The following YPEL1 variants were observed in gnomAD, a reference collection of about 807,000 sequenced individuals.
The protein encoded by YPEL1 is yippee like 1.
Under a neutral mutation model 17.3 loss-of-function variants are expected in YPEL1, and 7 were observed. The ratio of observed to expected loss-of-function variants is 0.40; its 90% CI spans 0.23 to 0.76. The LOEUF is 0.76. YPEL1 is among the 30% of genes least tolerant of loss of function. YPEL1 has a pLI of 0.35. For missense variants in YPEL1, 91 were observed against 155.5 expected, an observed-to-expected ratio of 0.59 and a Z score of 2.21; for synonymous variants, 59 against 59.6, an observed-to-expected ratio of 0.99 and a Z score of 0.05.
Position 21,698,957 on chromosome 22 carries a change from T to C in YPEL1, c.*2172A>G, listed in dbSNP as rs1601620051. The C allele has an allele frequency of 6.6e-6, 1 of 152,532 alleles. No homozygotes were observed. The highest frequency in any genetic ancestry group is 2.1e-4 in the South Asian group (1 of 4,834). The allele number at this position is 152,532 out of a possible 1,614,324, so 9.4% of individuals were successfully genotyped here. Reference sequence around the variant, plus strand: ...ACAAAGATTTCCTTCCTTTCCTAAGTGGAAGATGTGCTTTAAAGGAACTTC... The same window carrying C: ...ACAAAGATTTCCTTCCTTTCCTAAGCGGAAGATGTGCTTTAAAGGAACTTC... On this transcript the variant is annotated 3_prime_UTR_variant, in exon 5 of 5. Coordinates refer to ENST00000339468, the MANE Select transcript of YPEL1 (RefSeq NM_013313.5).
rs1206261013 is a variant in YPEL1 at position 21,698,902 on chromosome 22, A to G, written c.*2227T>C. The G allele has an allele frequency of 2.0e-5, 3 of 152,474 alleles. No individual in the cohort carries two copies. Among genetic ancestry groups the G allele is most frequent in the Non-Finnish European group, 2.9e-5 (2 of 68,110 alleles). The allele number at this position is 152,474 out of a possible 1,614,324, so 9.4% of individuals were successfully genotyped here. A position where few individuals can be genotyped will look rare whatever the true frequency, so the allele number is the denominator to read the frequency against. ...CAGGGATAAAGCAGCTTGCAGGGCC[A>G]TAGCCGGATGTGGAGGCTTCCAAGA... On this transcript the variant is annotated 3_prime_UTR_variant, in exon 5 of 5. Coordinates refer to ENST00000339468, the MANE Select transcript of YPEL1 (RefSeq NM_013313.5).
At position 21,698,143 on chromosome 22, in the gene YPEL1, G is replaced by A. The variant is rs2068009841; in HGVS notation, c.*2986C>T. ...TTAAGAGGGTGGTGGATATGGTCCT[G>A]TGAATAGCACTTCCCCTGAAGCCAG... is the stretch of plus-strand genomic sequence containing the variant. On this transcript the variant is annotated 3_prime_UTR_variant, in exon 5 of 5. Coordinates refer to ENST00000339468, the MANE Select transcript of YPEL1 (RefSeq NM_013313.5). 1 of 151,748 alleles carries A rather than the reference G, an allele frequency of 6.6e-6. No homozygotes were observed. The highest frequency in any genetic ancestry group is 1.5e-5 in the Non-Finnish European group (1 of 68,010). 9.4% of individuals were successfully genotyped at this position (151,748 alleles called of 1,614,324 possible). A position where few individuals can be genotyped will look rare whatever the true frequency, so the allele number is the denominator to read the frequency against.
rs562131721 is a variant in YPEL1, at chr22:21,703,758, C to G, written c.161+81G>C. 1.2e-5 allele frequency: 18 copies of G among 1,478,282 alleles called. No individual in the cohort carries two copies. The East Asian group carries it at 2.2e-4, about 18-fold the overall frequency. 91.6% of individuals were successfully genotyped at this position (1,478,282 alleles called of 1,614,324 possible). On this transcript the variant is annotated intron_variant, in intron 3 of 4. Coordinates refer to ENST00000339468, the MANE Select transcript of YPEL1 (RefSeq NM_013313.5). The surrounding 1 kb of genome is among the most constrained non-coding windows in gnomAD (Gnocchi z 6.1). ...AGGACCCCTAAAGACCCAGGTGATT[C>G]TACACAGGGCACTGTGTAGGTGCCA... is the stretch of plus-strand genomic sequence containing the variant.
chr22:21,717,205 G>C (rs182877567), intron 1 of YPEL1, among the ~76,000 whole-genome samples: 1 of 151,890 alleles, frequency 6.6e-6, no homozygotes, highest in Non-Finnish European at 1.5e-5. Flanking sequence ...GTGAAACCCC[G>C]TCTCTACTAA....
At position 21,698,491 on chromosome 22, in the gene YPEL1, G is replaced by GAA. The variant is rs2068023289; in HGVS notation, c.*2637_*2638insTT. 2 of 152,358 alleles carry GAA rather than the reference G, an allele frequency of 1.3e-5. No homozygotes were observed. The highest frequency in any genetic ancestry group is 2.9e-5 in the Non-Finnish European group (2 of 68,046). The allele number at this position is 152,358 out of a possible 1,614,324, so 9.4% of individuals were successfully genotyped here. ...ATCTTGAGTCACTCAGGACTTGGCTGTCCTCGCACCCGTGGCAGGCTGGGG... is the reference window on the plus strand; with the variant it reads ...ATCTTGAGTCACTCAGGACTTGGCTGAATCCTCGCACCCGTGGCAGGCTGGGG... On this transcript the variant is annotated 3_prime_UTR_variant, in exon 5 of 5. Coordinates refer to ENST00000339468, the MANE Select transcript of YPEL1 (RefSeq NM_013313.5).
chr22:21,710,628 CT>C lies in YPEL1; in HGVS notation c.116del (p.Lys39SerfsTer17). On this transcript the variant is annotated frameshift_variant and splice_region_variant, in exon 2 of 5. Coordinates refer to ENST00000339468, the MANE Select transcript of YPEL1 (RefSeq NM_013313.5). LOFTEE classifies it high-confidence loss of function. ...HLANHDELIS[K>X]SFQGSQGRAY... Reference sequence around the variant, plus strand: ...CAATTTTTTGGCATAAGCCACTTGCCTTGGAGATGAGCTCGTCATGATTGGC... The same window carrying C: ...CAATTTTTTGGCATAAGCCACTTGCCTGGAGATGAGCTCGTCATGATTGGC... The C allele has an allele frequency of 6.2e-7, 1 of 1,614,114 alleles. No individual in the cohort carries two copies. The highest frequency in any genetic ancestry group is 8.5e-7 in the Non-Finnish European group (1 of 1,179,904).
chr22:21,699,618 A>G lies in YPEL1; in HGVS notation c.*1511T>C, dbSNP rs529673306. The G allele has an allele frequency of 2.6e-5, 4 of 152,826 alleles. No homozygotes were observed. The highest frequency in any genetic ancestry group is 7.2e-5 in the African/African-American group (3 of 41,592). 9.5% of individuals were successfully genotyped at this position (152,826 alleles called of 1,614,324 possible). On this transcript the variant is annotated 3_prime_UTR_variant, in exon 5 of 5. Transcript: ENST00000339468. ...CGCGTCTAGCAGGCCAGGCGTCTTC[A>G]TGCACAAAGGCTAAACTTGTTGCTT...
At chr22:21,724,429 C>G (rs2068312677) in intron 1 of YPEL1, among the ~76,000 whole-genome samples, 2 of 151,966 alleles carry the variant, frequency 1.3e-5, no homozygotes, top group South Asian at 4.2e-4. Flanking sequence ...CCCAGCTACT[C>G]AGGAGGCTGA....
chr22:21,717,094 G>A (rs1028572097), intron 1 of YPEL1, among the ~76,000 whole-genome samples: 28 of 151,168 alleles, frequency 1.9e-4, no homozygotes, highest in Admixed American at 7.9e-4. Context: ...GGCCGGGCGC[G>A]CTGGCTCACG....
chr22:21,714,942 G>A (rs141053257), intron 1 of YPEL1, among the ~76,000 whole-genome samples: 148 of 152,302 alleles, frequency 9.7e-4, no homozygotes, highest in African/African-American at 3.4e-3. Context: ...GTAGGAGTAA[G>A]TGATATATTC....
At chr22:21,723,483 T>C (rs2068303698) in intron 1 of YPEL1, among the ~76,000 whole-genome samples, 1 of 152,188 alleles carries the variant, frequency 6.6e-6, no homozygotes, top group Non-Finnish European at 1.5e-5. Flanking sequence ...TTCTCCTGCC[T>C]CAGCCTCCAG....
intron 1 of YPEL1, among the ~76,000 whole-genome samples, chr22:21,714,021 C>T (rs1435645374): frequency 6.6e-6 from 1 of 152,168 alleles, no homozygotes; most frequent in African/African-American, 2.4e-5. Flanking sequence ...CTCACACCTG[C>T]TCCTCCTGAG....
chr22:21,703,050 G>A lies in YPEL1; in HGVS notation c.270+320C>T, dbSNP rs984933500. Among the ~76,000 whole-genome samples the A allele has an allele frequency of 1.3e-5, 2 of 152,206 alleles. No individual in the cohort carries two copies. The highest frequency in any genetic ancestry group is 2.9e-5 in the Non-Finnish European group (2 of 68,030). ...TCCCGCAGCCCCCTGCAGCCTCCTC[G>A]GCCTCCTCCCACACCAGGCTCTGCT... is the stretch of plus-strand genomic sequence containing the variant. On this transcript the variant is annotated intron_variant, in intron 4 of 4. Coordinates refer to ENST00000339468, the MANE Select transcript of YPEL1 (RefSeq NM_013313.5). The surrounding 1 kb of genome is among the most constrained non-coding windows in gnomAD (Gnocchi z 6.1).
In YPEL1 at chr22:21,703,300, G is replaced by T; in HGVS notation, c.270+70C>A. On this transcript the variant is annotated intron_variant, in intron 4 of 4. Coordinates refer to ENST00000339468, the MANE Select transcript of YPEL1 (RefSeq NM_013313.5). The surrounding 1 kb of genome is among the most constrained non-coding windows in gnomAD (Gnocchi z 6.1). ...TGGTACCATGGGCCACACTGCACGG[G>T]GAGGTGTGGCTCAGTGGCAACTTAG... The T allele has an allele frequency of 7.5e-7, 1 of 1,327,468 alleles. No homozygotes were observed. Among genetic ancestry groups the T allele is most frequent in the Non-Finnish European group, 1.1e-6 (1 of 926,284 alleles). 82.2% of individuals were successfully genotyped at this position (1,327,468 alleles called of 1,614,324 possible).
rs2068000187 is a variant in YPEL1, at chr22:21,697,887, A to AAT, written c.*3240_*3241dup. ...AACGACCTGATGAGGGCATCAGGTAAATTAAAGGATTTTGGGAAGATTCTT... is the reference window on the plus strand; with the variant it reads ...AACGACCTGATGAGGGCATCAGGTAAATATTAAAGGATTTTGGGAAGATTCTT... On this transcript the variant is annotated 3_prime_UTR_variant, in exon 5 of 5. Coordinates refer to ENST00000339468, the MANE Select transcript of YPEL1 (RefSeq NM_013313.5). 1 of 152,278 alleles carries AAT rather than the reference A, an allele frequency of 6.6e-6. No individual in the cohort carries two copies. The highest frequency in any genetic ancestry group is 2.4e-5 in the African/African-American group (1 of 41,378). 9.4% of individuals were successfully genotyped at this position (152,278 alleles called of 1,614,324 possible). A position where few individuals can be genotyped will look rare whatever the true frequency, so the allele number is the denominator to read the frequency against.
rs1320692121 is a variant in YPEL1 at position 21,698,227 on chromosome 22, A to C, written c.*2902T>G. ...TTGTATTTTGCAGAAGCCCAACAAA[A>C]AAAAAGTGATAAAAGTGTTGTTGGT... On this transcript the variant is annotated 3_prime_UTR_variant, in exon 5 of 5. Transcript: ENST00000339468. 1 of 151,666 alleles carries C rather than the reference A, an allele frequency of 6.6e-6. No individual in the cohort carries two copies. The highest frequency in any genetic ancestry group is 1.5e-5 in the Non-Finnish European group (1 of 67,924). The allele number at this position is 151,666 out of a possible 1,614,324, so 9.4% of individuals were successfully genotyped here.
At chr22:21,719,611 G>T (rs2068260072) in intron 1 of YPEL1, among the ~76,000 whole-genome samples, 1 of 152,144 alleles carries the variant, frequency 6.6e-6, no homozygotes, top group Non-Finnish European at 1.5e-5. Context: ...TCAGCCAGGG[G>T]CGGTGACTTA....
chr22:21,701,240 GTT>G, intron 4 of YPEL1, 22 bp from the exon 5 acceptor site: 1 of 1,591,258 alleles, frequency 6.3e-7, no homozygotes, highest in Non-Finnish European at 8.6e-7. Flanking sequence ...AGAGACAAAG[GTT>G]TCAGGACAGA....
intron 1 of YPEL1, among the ~76,000 whole-genome samples, chr22:21,723,687 TTAA>T (rs1221688513): frequency 1.4e-5 from 1 of 70,490 alleles, no homozygotes; most frequent in African/African-American, 8.8e-5. Flanking sequence ...TTTATTTTAA[TTAA>T]TTTTTTTTTT....
Sources: allele counts gnomAD v4.1 joint callset (sites outside exome capture counted in the v4.1 genomes callset), GRCh38; gene constraint gnomAD v4.1.1; non-coding constraint Gnocchi (gnomAD v3.1); transcripts MANE v1.5; gene names NCBI Gene and HGNC (gene_info 2026-07-23, HGNC 2026-07-21).